PPARG: variants seen among roughly 807,000 people sequenced by gnomAD.
The protein encoded by PPARG is peroxisome proliferator-activated receptor gamma.
In PPARG, 17 loss-of-function variants were observed where a neutral mutation model predicts 39.2. That is an observed-to-expected ratio of 0.43 (90% CI 0.30 to 0.65). The LOEUF (loss-of-function observed/expected upper bound fraction) is 0.65. Among genes scored for constraint, PPARG ranks in the 30% least tolerant of loss-of-function variants. The pLI, the probability that PPARG is intolerant of heterozygous loss-of-function variation, is 0.13. For missense variants in PPARG, 406 were observed against 585.9 expected, an observed-to-expected ratio of 0.69 and a Z score of 3.17; for synonymous variants, 223 against 215.7, an observed-to-expected ratio of 1.03 and a Z score of -0.30.
chr3:12,373,611 TTACTC>T (rs536179454), intron 2 of PPARG, among the ~76,000 whole-genome samples: 74 of 152,216 alleles, frequency 4.9e-4, no homozygotes, highest in South Asian at 1.5e-3. Context: ...AAATGAAAAT[TTACTC>T]TACTCTTCTG....
intron 6 of PPARG, among the ~76,000 whole-genome samples, chr3:12,408,352 G>C (rs564963989): frequency 3.7e-4 from 56 of 152,250 alleles, no homozygotes; most frequent in African/African-American, 1.3e-3. Context: ...ACATGCACAG[G>C]ACTGCACAAC....
intron 2 of PPARG, among the ~76,000 whole-genome samples, chr3:12,330,281 C>T (rs2047816579): frequency 7.4e-6 from 1 of 135,234 alleles, no homozygotes; most frequent in Admixed American, 8.0e-5. Context: ...AATATCTCTA[C>T]ATTGCTACAA....
At chr3:12,387,686 T>C (rs1230307524) in intron 4 of PPARG, among the ~76,000 whole-genome samples, 1 of 152,242 alleles carries the variant, frequency 6.6e-6, no homozygotes, top group Non-Finnish European at 1.5e-5. Flanking sequence ...ACTCTGATGA[T>C]AGTTTCTTTT....
intron 1 of PPARG, among the ~76,000 whole-genome samples, chr3:12,310,429 T>G (rs1034186295): frequency 1.3e-5 from 2 of 151,682 alleles, no homozygotes; most frequent in African/African-American, 4.8e-5. Flanking sequence ...AGATTAAAAT[T>G]TTTACCTTTG....
chr3:12,371,606 C>T (rs1210698074), intron 2 of PPARG, among the ~76,000 whole-genome samples: 1 of 152,116 alleles, frequency 6.6e-6, no homozygotes, highest in Admixed American at 6.5e-5. Context: ...ACTAAAGACC[C>T]CCAAAAAATA....
intron 1 of PPARG, among the ~76,000 whole-genome samples, chr3:12,310,715 G>A (rs2047210338): frequency 1.2e-5 from 1 of 80,874 alleles, no homozygotes; most frequent in Non-Finnish European, 2.7e-5. Flanking sequence ...CGCCCGCCTC[G>A]GCCTCCCAAA....
intron 2 of PPARG, among the ~76,000 whole-genome samples, chr3:12,360,311 T>A (rs1222395475): frequency 1.3e-5 from 2 of 152,106 alleles, no homozygotes; most frequent in Non-Finnish European, 2.9e-5. Context: ...ATGGCTGGCC[T>A]TAATACTGTT....
At chr3:12,348,219 A>C (rs891577906) in intron 2 of PPARG, among the ~76,000 whole-genome samples, 1 of 152,152 alleles carries the variant, frequency 6.6e-6, no homozygotes, top group Non-Finnish European at 1.5e-5. Flanking sequence ...GCTAAAAATA[A>C]CTTTATATAG....
intron 2 of PPARG, among the ~76,000 whole-genome samples, chr3:12,366,472 G>A (rs1280367604): frequency 6.6e-6 from 1 of 151,918 alleles, no homozygotes; most frequent in African/African-American, 2.4e-5. Flanking sequence ...AAGACTTCTA[G>A]TATGATGTTG....
At chr3:12,315,159 T>C (rs989028298) in intron 2 of PPARG, among the ~76,000 whole-genome samples, 2 of 152,198 alleles carry the variant, frequency 1.3e-5, no homozygotes, top group Non-Finnish European at 2.9e-5. Flanking sequence ...CTGTCCACTT[T>C]TATGAGATCA....
intron 1 of PPARG, among the ~76,000 whole-genome samples, chr3:12,292,885 C>A (rs180755864): frequency 1.3e-5 from 2 of 152,154 alleles, no homozygotes; most frequent in Non-Finnish European, 2.9e-5. Flanking sequence ...ACTGGACTGG[C>A]AAGCCACTCT....
At chr3:12,406,999 T>C (rs4135346) in intron 6 of PPARG, among the ~76,000 whole-genome samples, 21,277 of 152,130 alleles carry the variant, frequency 0.14, 4,865 homozygotes, top group African/African-American at 0.48. Flanking sequence ...TGGGTTGTAA[T>C]TGTTACTGAG....
chr3:12,391,892 G>A (rs144301928), intron 4 of PPARG, among the ~76,000 whole-genome samples: 139 of 152,240 alleles, frequency 9.1e-4, no homozygotes, highest in African/African-American at 3.2e-3. Context: ...CAGAAAACAC[G>A]TCCAGTTCGA....
At chr3:12,353,549 A>G (rs73813175) in intron 2 of PPARG, among the ~76,000 whole-genome samples, 1,563 of 152,234 alleles carry the variant, frequency 0.01, 25 homozygotes, top group African/African-American at 0.036. Flanking sequence ...CTTCTTCCTC[A>G]TCATAGGCAA....
intron 1 of PPARG, among the ~76,000 whole-genome samples, chr3:12,303,179 A>T (rs1238926048): frequency 6.6e-6 from 1 of 152,064 alleles, no homozygotes; most frequent in Non-Finnish European, 1.5e-5. Context: ...AGTGGAGTTG[A>T]TGACTGACTC....
chr3:12,342,170 G>A (rs2048202594), intron 2 of PPARG, among the ~76,000 whole-genome samples: 1 of 152,210 alleles, frequency 6.6e-6, no homozygotes, highest in Non-Finnish European at 1.5e-5. Flanking sequence ...CTTGAATCCA[G>A]AAATCCTTGG....
At position 12,294,104 on chromosome 3, in the gene PPARG, T is replaced by C. The variant is rs188671371; in HGVS notation, c.-83+4970T>C. ...GGCCTTTAAGGAGTAGAAAACAGATTTGGAGTTTGAAAGAGGGGGTTAGGA... is the reference window on the plus strand; with the variant it reads ...GGCCTTTAAGGAGTAGAAAACAGATCTGGAGTTTGAAAGAGGGGGTTAGGA... On this transcript the variant is annotated intron_variant, in intron 1 of 7. Coordinates refer to ENST00000651735, the MANE Select transcript of PPARG (RefSeq NM_138711.6). 2.0e-5 allele frequency among the ~76,000 whole-genome samples: 3 copies of C among 152,220 alleles called. No homozygotes were observed. The East Asian group carries it at 5.8e-4, about 29-fold the overall frequency.
intron 4 of PPARG, among the ~76,000 whole-genome samples, chr3:12,390,051 A>T (rs4135266): frequency 0.014 from 2,108 of 152,322 alleles, 57 homozygotes; most frequent in African/African-American, 0.047. Flanking sequence ...CATATTTTTT[A>T]AAAAAGTCTA....
At position 12,433,863 on chromosome 3, in the gene PPARG, AC is replaced by A. The variant is rs762662441; in HGVS notation, c.1181-30del. 3 of 1,612,916 alleles carry A rather than the reference AC, an allele frequency of 1.9e-6. No individual in the cohort carries two copies. In the African/African-American group the frequency reaches 4.0e-5, roughly 22 times the overall value. On this transcript the variant is annotated intron_variant, in intron 7 of 7. Transcript: ENST00000651735. ...GGGGCCCAGAGGATTTTTTGACTGA[AC>A]CCCCTGTTGTGTTTTCCATATGTGC... is the stretch of plus-strand genomic sequence containing the variant.
Sources: allele counts gnomAD v4.1 joint callset (sites outside exome capture counted in the v4.1 genomes callset), GRCh38; gene constraint gnomAD v4.1.1; transcripts MANE v1.5; gene names NCBI Gene and HGNC (gene_info 2026-07-23, HGNC 2026-07-21).